Variants in LINGO2 observed in about 807,000 individuals in gnomAD.
The protein encoded by LINGO2 is leucine rich repeat and Ig domain containing 2, also known as leucine-rich repeat and immunoglobulin-like domain-containing nogo receptor-interacting protein 2.
LINGO2 carries 14 observed loss-of-function variants against 30.6 expected under a neutral mutation model. That is an observed-to-expected ratio of 0.46 (90% CI 0.30 to 0.72). The LOEUF (loss-of-function observed/expected upper bound fraction) is 0.72, where lower values mean the gene tolerates loss of function less well. LINGO2 is among the 30% of genes least tolerant of loss of function. The pLI is 0.07. For missense variants in LINGO2, 729 were observed against 751.7 expected (o/e 0.97, Z 0.35); for synonymous variants, 317 against 288.5 (o/e 1.10, Z -1.00).
intron 4 of LINGO2, among the ~76,000 whole-genome samples, chr9:28,291,381 C>T (rs2134168913): frequency 6.6e-6 from 1 of 152,304 alleles, no homozygotes; most frequent in South Asian, 2.1e-4. Flanking sequence ...CTTAGCCCAT[C>T]ACTCACAGCT....
intron 4 of LINGO2, among the ~76,000 whole-genome samples, chr9:28,073,726 A>G (rs562857210): frequency 1.3e-5 from 2 of 152,280 alleles, no homozygotes; most frequent in East Asian, 3.9e-4. Context: ...TCTTTGGGAC[A>G]ATCAAGAACA....
At chr9:28,019,976 C>T (rs1285530110) in intron 4 of LINGO2, among the ~76,000 whole-genome samples, 4 of 152,066 alleles carry the variant, frequency 2.6e-5, no homozygotes, top group Non-Finnish European at 4.4e-5. Context: ...ATCCCAAGAG[C>T]ACCTGAAATC....
chr9:28,604,686 T>C (rs1231421992), intron 1 of LINGO2, among the ~76,000 whole-genome samples: 1 of 152,040 alleles, frequency 6.6e-6, no homozygotes, highest in Non-Finnish European at 1.5e-5. Flanking sequence ...TAAGTATCCA[T>C]AGAAAAATGT....
the LINGO2 span, among the ~76,000 whole-genome samples, chr9:28,714,276 T>A: frequency 1.3e-5 from 2 of 151,272 alleles, no homozygotes; most frequent in East Asian, 3.9e-4. Flanking sequence ...CATCTCAACA[T>A]CTCAACACTT....
chr9:28,056,305 G>C (rs554698903), intron 4 of LINGO2, among the ~76,000 whole-genome samples: 2 of 152,238 alleles, frequency 1.3e-5, no homozygotes, highest in Admixed American at 6.5e-5. Flanking sequence ...CAATTTGTCA[G>C]TTTGCTGACA....
chr9:28,476,433 G>A (rs866097039), intron 1 of LINGO2, among the ~76,000 whole-genome samples: 30 of 152,120 alleles, frequency 2.0e-4, no homozygotes, highest in African/African-American at 5.3e-4. Context: ...CCGCCACCAC[G>A]CCCGGCTAAT....
chr9:29,108,804 G>A, the LINGO2 span, among the ~76,000 whole-genome samples: 1 of 152,176 alleles, frequency 6.6e-6, no homozygotes, highest in African/African-American at 2.4e-5. Context: ...CCAACACTGT[G>A]TTGGGGGTTA....
the LINGO2 span, among the ~76,000 whole-genome samples, chr9:29,209,915 A>G: frequency 1.7e-3 from 257 of 152,266 alleles, 3 homozygotes; most frequent in Admixed American, 0.016. Context: ...AGAATCAGTA[A>G]CTGACAAACC....
intron 4 of LINGO2, among the ~76,000 whole-genome samples, chr9:28,164,986 G>A (rs1828387223): frequency 6.6e-6 from 1 of 152,198 alleles, no homozygotes; most frequent in Admixed American, 6.5e-5. Context: ...CTTTGGGCAA[G>A]TTTTTCTTTG....
At chr9:28,184,196 G>T (rs1371559217) in intron 4 of LINGO2, among the ~76,000 whole-genome samples, 1 of 152,090 alleles carries the variant, frequency 6.6e-6, no homozygotes, top group Non-Finnish European at 1.5e-5. Context: ...GAAAAGGGGA[G>T]GTAGGTGGAA....
chr9:28,396,959 A>C (rs961344889), intron 2 of LINGO2, among the ~76,000 whole-genome samples: 1 of 152,058 alleles, frequency 6.6e-6, no homozygotes, highest in Admixed American at 6.6e-5. Flanking sequence ...ACTATCCTTC[A>C]AGATGATTTT....
the LINGO2 span, among the ~76,000 whole-genome samples, chr9:28,741,128 C>T: frequency 6.6e-6 from 1 of 151,946 alleles, no homozygotes; most frequent in Non-Finnish European, 1.5e-5. Flanking sequence ...AACATAGTAT[C>T]TCAGTTCATG....
chr9:28,984,517 T>C, the LINGO2 span, among the ~76,000 whole-genome samples: 1 of 152,062 alleles, frequency 6.6e-6, no homozygotes, highest in African/African-American at 2.4e-5. Flanking sequence ...CACAGGAATT[T>C]AACTGGATCA....
At chr9:28,138,924 T>C (rs955858689) in intron 4 of LINGO2, among the ~76,000 whole-genome samples, 3 of 152,172 alleles carry the variant, frequency 2.0e-5, no homozygotes, top group African/African-American at 7.2e-5. Context: ...AGGACTGTTA[T>C]TTGTCTAAGA....
At chr9:28,848,391 GTGTGTGTATATATA>G in the LINGO2 span, among the ~76,000 whole-genome samples, 112 of 55,086 alleles carry the variant, frequency 2.0e-3, no homozygotes, top group African/African-American at 4.9e-3. Context: ...GTGTGTGTGT[GTGTGTGTATATATA>G]TATATATATA....
intron 1 of LINGO2, among the ~76,000 whole-genome samples, chr9:28,609,374 A>C (rs953195591): frequency 6.6e-6 from 1 of 151,946 alleles, no homozygotes; most frequent in African/African-American, 2.4e-5. Flanking sequence ...CTCAGCAATA[A>C]GTCAAATCAT....
chr9:27,955,624 T>A (rs990515036), intron 5 of LINGO2, among the ~76,000 whole-genome samples: 1 of 152,094 alleles, frequency 6.6e-6, no homozygotes, highest in Non-Finnish European at 1.5e-5. Flanking sequence ...TGTTGTTGCA[T>A]GTAACAGTAG....
intron 3 of LINGO2, among the ~76,000 whole-genome samples, chr9:28,345,764 A>C (rs1353868459): frequency 6.6e-6 from 1 of 152,178 alleles, no homozygotes; most frequent in Non-Finnish European, 1.5e-5. Context: ...CACGTGGCTC[A>C]TTATGTATAA....
At chr9:28,170,909 C>T (rs1828563189) in intron 4 of LINGO2, among the ~76,000 whole-genome samples, 1 of 152,166 alleles carries the variant, frequency 6.6e-6, no homozygotes, top group Non-Finnish European at 1.5e-5. Context: ...TGCAAAGTCC[C>T]TTGGTTACAT....
Sources: gnomAD v4.1 joint callset for allele counts (sites outside exome capture counted in the v4.1 genomes callset) on GRCh38, gnomAD v4.1.1 for gene constraint, MANE v1.5 for transcripts, NCBI Gene and HGNC (gene_info 2026-07-23, HGNC 2026-07-21) for gene names.